LRIG1: variants seen among roughly 807,000 people sequenced by gnomAD.
LRIG1 encodes leucine-rich repeats and immunoglobulin-like domains protein 1.
Under a neutral mutation model 99.2 loss-of-function variants are expected in LRIG1, and 48 were observed. The ratio of observed to expected loss-of-function variants is 0.48; its 90% confidence interval spans 0.38 to 0.62. The LOEUF is 0.62. Among genes scored for constraint, LRIG1 ranks in the 20% least tolerant of loss-of-function variants. LRIG1 has a pLI of 0.00. For synonymous variants in LRIG1, 772 were observed against 596.1 expected, an observed-to-expected ratio of 1.29 and a Z score of -4.30; for missense variants, 1,646 against 1,434.4, an observed-to-expected ratio of 1.15 and a Z score of -2.38.
At position 66,441,233 on chromosome 3, in the gene LRIG1, C is replaced by A. The variant is rs941958667; in HGVS notation, c.365+10326G>T. ...TTGATGAAGTTGGGAAGAAAAAAAACCACAAACTGGCACCTTTATTTCAGC... is the reference window on the plus strand; with the variant it reads ...TTGATGAAGTTGGGAAGAAAAAAAAACACAAACTGGCACCTTTATTTCAGC... On this transcript the variant is annotated intron_variant, in intron 3 of 18. Transcript: ENST00000273261. Among the ~76,000 whole-genome samples the A allele has an allele frequency of 1.6e-4, 24 of 152,098 alleles. 1 individual carries two copies. Among genetic ancestry groups the A allele is most frequent in the East Asian group, 1.9e-4 (1 of 5,200 alleles).
intron 13 of LRIG1, among the ~76,000 whole-genome samples, chr3:66,384,821 C>T (rs557094665): frequency 6.6e-6 from 1 of 152,292 alleles, no homozygotes; most frequent in East Asian, 1.9e-4. Flanking sequence ...CTTGCTCAGC[C>T]TAAAGATCGA....
chr3:66,440,375 C>T (rs1202329451), intron 3 of LRIG1, among the ~76,000 whole-genome samples: 1 of 152,080 alleles, frequency 6.6e-6, no homozygotes, highest in Admixed American at 6.5e-5. Flanking sequence ...GCTGCACCTA[C>T]CCCAGGTAGA....
chr3:66,398,011 C>T (rs1701920620), intron 11 of LRIG1, 101 bp downstream of exon 11: 8 of 941,536 alleles, frequency 8.5e-6, no homozygotes, highest in Admixed American at 2.0e-5. Context: ...AAATATGTAC[C>T]ATGTGAACTT....
chr3:66,449,613 G>A (rs113922189), intron 3 of LRIG1, among the ~76,000 whole-genome samples: 1 of 152,338 alleles, frequency 6.6e-6, no homozygotes, highest in Non-Finnish European at 1.5e-5. Flanking sequence ...TGGGGGCCCT[G>A]CCTGCCTCTG....
At chr3:66,489,525 A>ATGTGTG (rs56128311) in intron 1 of LRIG1, among the ~76,000 whole-genome samples, 12 of 150,270 alleles carry the variant, frequency 8.0e-5, no homozygotes, top group African/African-American at 2.7e-4. Flanking sequence ...CTTTGTGTGT[A>ATGTGTG]TGTGTGTGTG....
chr3:66,394,772 T>C (rs965919535), intron 11 of LRIG1, among the ~76,000 whole-genome samples: 1 of 152,234 alleles, frequency 6.6e-6, no homozygotes, highest in Non-Finnish European at 1.5e-5. Context: ...AGCTGCATGT[T>C]TTCTTACTTC....
Position 66,385,748 on chromosome 3 carries a change from G to A in LRIG1, c.1789+233C>T, listed in dbSNP as rs538530702. ...ATTACAGGCATGAGCCACAGCACCCGGCCAATAACTAGATTTTTAAAACTC... is the reference window on the plus strand; with the variant it reads ...ATTACAGGCATGAGCCACAGCACCCAGCCAATAACTAGATTTTTAAAACTC... On this transcript the variant is annotated intron_variant, in intron 13 of 18. Transcript: ENST00000273261. 1.6e-3 allele frequency among the ~76,000 whole-genome samples: 239 copies of A among 152,270 alleles called. 1 individual carries two copies. The highest frequency in any genetic ancestry group is 4.3e-3 in the African/African-American group (180 of 41,550).
chr3:66,440,220 A>AC (rs908102692), intron 3 of LRIG1, among the ~76,000 whole-genome samples: 2 of 151,904 alleles, frequency 1.3e-5, no homozygotes, highest in Admixed American at 6.6e-5. Context: ...CCCAACACTC[A>AC]CCCCCTCTGC....
intron 1 of LRIG1, among the ~76,000 whole-genome samples, chr3:66,485,858 T>G (rs761016738): frequency 6.6e-6 from 1 of 152,158 alleles, no homozygotes. Context: ...ACACCATGTA[T>G]AGAGCACCAG....
At chr3:66,451,065 G>A (rs1306962111) in intron 3 of LRIG1, among the ~76,000 whole-genome samples, 1 of 152,140 alleles carries the variant, frequency 6.6e-6, no homozygotes, top group African/African-American at 2.4e-5. Flanking sequence ...AGAACAAATA[G>A]ATCGCATCTT....
chr3:66,477,319 G>A (rs957681066), intron 1 of LRIG1, among the ~76,000 whole-genome samples: 1 of 152,158 alleles, frequency 6.6e-6, no homozygotes, highest in African/African-American at 2.4e-5. Flanking sequence ...ACCACGACCC[G>A]GGTCATTTGC....
chr3:66,495,844 G>A (rs1262173354), intron 1 of LRIG1, among the ~76,000 whole-genome samples: 2 of 152,182 alleles, frequency 1.3e-5, no homozygotes, highest in Non-Finnish European at 2.9e-5. Flanking sequence ...TGAAGACTTT[G>A]CACCAAGGAG....
chr3:66,449,991 A>G (rs1049109334), intron 3 of LRIG1, among the ~76,000 whole-genome samples: 3 of 152,246 alleles, frequency 2.0e-5, no homozygotes, highest in African/African-American at 7.2e-5. Context: ...CTGTGCTTTA[A>G]GCAGCAAGGA....
intron 8 of LRIG1, among the ~76,000 whole-genome samples, chr3:66,407,027 C>T (rs758505754): frequency 2.6e-5 from 4 of 152,150 alleles, no homozygotes; most frequent in Non-Finnish European, 4.4e-5. Flanking sequence ...AGGCGCTCAG[C>T]GTGGGGAAGC....
rs761750824 is a variant in LRIG1, at chr3:66,407,386, C to T, written c.1041G>A (p.Ala347=). ...TCCTGAGTCCCTTGAAGGCACCCTC[C>T]GCAATGTGGCTGATGGAATTGTGGC... The part of the protein sequence containing the change: ...RLSHNSISHI[A]EGAFKGLRSL... The change falls in exon 8 of 19, where the codon GCG becomes GCA. Residue 347 remains alanine (A), a synonymous_variant. Coordinates refer to ENST00000273261, the MANE Select transcript of LRIG1 (RefSeq NM_015541.3). 23 of 1,614,124 alleles carry T rather than the reference C, an allele frequency of 1.4e-5. No individual in the cohort carries two copies. Among genetic ancestry groups the T allele is most frequent in the Middle Eastern group, 1.6e-4 (1 of 6,062 alleles).
At chr3:66,482,547 G>A (rs529065253) in intron 1 of LRIG1, among the ~76,000 whole-genome samples, 20 of 152,322 alleles carry the variant, frequency 1.3e-4, no homozygotes, top group African/African-American at 4.8e-4. Context: ...GTGAGGGTGT[G>A]GGACAAGCAC....
chr3:66,484,537 G>C (rs1190935713), intron 1 of LRIG1, among the ~76,000 whole-genome samples: 2 of 152,206 alleles, frequency 1.3e-5, no homozygotes, highest in African/African-American at 4.8e-5. Context: ...ACAGAAATCT[G>C]CAAGGCGAAG....
intron 3 of LRIG1, among the ~76,000 whole-genome samples, chr3:66,439,227 G>A (rs369974437): frequency 8.3e-4 from 127 of 152,374 alleles, no homozygotes; most frequent in African/African-American, 2.8e-3. Context: ...GCCCATGCTG[G>A]CTTTCTCAAC....
intron 3 of LRIG1, among the ~76,000 whole-genome samples, chr3:66,427,015 C>A (rs927429109): frequency 3.3e-5 from 5 of 152,334 alleles, no homozygotes; most frequent in Middle Eastern, 3.4e-3. Context: ...TAGCTCTTTG[C>A]TTCGCCTGAA....
Sources: allele counts gnomAD v4.1 joint callset (sites outside exome capture counted in the v4.1 genomes callset), GRCh38; gene constraint gnomAD v4.1.1; transcripts MANE v1.5; gene names NCBI Gene and HGNC (gene_info 2026-07-23, HGNC 2026-07-21).